DDX47: variants seen among roughly 807,000 people sequenced by gnomAD.
DDX47 encodes the protein DEAD-box helicase 47, also known as probable ATP-dependent RNA helicase DDX47.
Under a neutral mutation model 58.8 loss-of-function variants are expected in DDX47, and 60 were observed. That is an observed-to-expected ratio of 1.02 (90% CI 0.83 to 1.26). DDX47 has a LOEUF of 1.26. Among genes scored for constraint, DDX47 ranks in the 50% most tolerant of loss-of-function variants. The probability of loss-of-function intolerance (pLI) is 0.00; values close to 1 mark genes in which losing one functional copy is unlikely to be tolerated. For synonymous variants in DDX47, 197 were observed against 204.6 expected (o/e 0.96, Z 0.32); for missense variants, 530 against 573.2 (o/e 0.92, Z 0.77).
At chr12:12,815,120 T>A (rs1340421725) in intron 2 of DDX47, among the ~76,000 whole-genome samples, 2 of 152,096 alleles carry the variant, frequency 1.3e-5, no homozygotes, top group African/African-American at 4.8e-5. Context: ...TCAGAGAGAG[T>A]GAATGTAATC....
rs529271888 is a variant in DDX47, at chr12:12,818,288, G to A, written c.182-2920G>A. Reference sequence around the variant, plus strand: ...TGTAATCCTAGCATTTTGGGAGGCCGAGGCGGGTGGATCACGAGGTCAGGA... The same window carrying A: ...TGTAATCCTAGCATTTTGGGAGGCCAAGGCGGGTGGATCACGAGGTCAGGA... On this transcript the variant is annotated intron_variant, in intron 2 of 11. Coordinates refer to ENST00000358007, the MANE Select transcript of DDX47 (RefSeq NM_016355.4). 5.3e-5 allele frequency among the ~76,000 whole-genome samples: 8 copies of A among 152,306 alleles called. No homozygotes were observed. In the East Asian group the frequency reaches 5.8e-4, roughly 11 times the overall value.
intron 10 of DDX47, among the ~76,000 whole-genome samples, chr12:12,826,533 C>T (rs1048892364): frequency 3.9e-5 from 6 of 151,922 alleles, no homozygotes; most frequent in African/African-American, 4.8e-5. Context: ...CCTTCCACCC[C>T]CTGGGCTCAA....
rs146075815 is a variant in DDX47 at position 12,824,832 on chromosome 12, G to C, written c.1035+155G>C. ...TTGGTTAGTTCATTCACATCATCTTGCACAGGCCTGTGTATGTAACATTAG... is the reference window on the plus strand; with the variant it reads ...TTGGTTAGTTCATTCACATCATCTTCCACAGGCCTGTGTATGTAACATTAG... On this transcript the variant is annotated intron_variant, in intron 9 of 11. Coordinates refer to ENST00000358007, the MANE Select transcript of DDX47 (RefSeq NM_016355.4). 2,108 of 703,724 alleles carry C rather than the reference G, an allele frequency of 3.0e-3. 4 individuals carry two copies. Among genetic ancestry groups the C allele is most frequent in the Middle Eastern group, 9.3e-3 (23 of 2,476 alleles). The allele number at this position is 703,724 out of a possible 1,614,324, so 43.6% of individuals were successfully genotyped here.
At chr12:12,825,935 C>T in intron 9 of DDX47, 65 bp from the exon 10 acceptor site, 4 of 1,268,634 alleles carry the variant, frequency 3.2e-6, no homozygotes, top group Non-Finnish European at 4.3e-6. Context: ...CAGGACTTTG[C>T]ATATGTAGTT....
rs1380488636 is a variant in DDX47 at position 12,829,630 on chromosome 12, A to G, written c.*76A>G. The G allele has an allele frequency of 1.7e-5, 26 of 1,531,616 alleles. No individual in the cohort carries two copies. The highest frequency in any genetic ancestry group is 2.2e-5 in the Non-Finnish European group (25 of 1,135,152). The allele number at this position is 1,531,616 out of a possible 1,614,324, so 94.9% of individuals were successfully genotyped here. ...AATGAAACCTGCTCCAACAGAGATC[A>G]TGAGACTGAAATTGGTCAGAATTGT... On this transcript the variant is annotated 3_prime_UTR_variant, in exon 12 of 12. Coordinates refer to ENST00000358007, the MANE Select transcript of DDX47 (RefSeq NM_016355.4).
rs1390861832 is a variant in DDX47, at chr12:12,820,945, T to C, written c.182-263T>C. Among the ~76,000 whole-genome samples, 3 of 152,260 alleles carry C rather than the reference T, an allele frequency of 2.0e-5. No homozygotes were observed. In the East Asian group the frequency reaches 5.8e-4, roughly 29 times the overall value. On this transcript the variant is annotated intron_variant, in intron 2 of 11. Transcript: ENST00000358007. ...CTTCTGGGCAGTAGTTACTTTTCCTTGTGTTCTCGCTGTATTTTGCAGGGG... is the reference window on the plus strand; with the variant it reads ...CTTCTGGGCAGTAGTTACTTTTCCTCGTGTTCTCGCTGTATTTTGCAGGGG...
rs1863099721 is a variant in DDX47, at chr12:12,829,461, A to C, written c.1275A>C (p.Arg425=). The C allele has an allele frequency of 1.2e-6, 2 of 1,613,546 alleles. No individual in the cohort carries two copies. The highest frequency in any genetic ancestry group is 2.2e-5 in the East Asian group (1 of 44,832). Residue 425 remains arginine, a synonymous_variant, in exon 12 of 12, where the codon CGA becomes CGC. Coordinates refer to ENST00000358007, the MANE Select transcript of DDX47 (RefSeq NM_016355.4). ...REHGEKKKRS[R]EDAGDNDDTE... ...ATGGAGAAAAGAAGAAACGCTCGCG[A>C]GAGGATGCTGGAGATAATGATGACA...
chr12:12,814,291 T>G, intron 2 of DDX47, 67 bp downstream of exon 2: 1 of 992,024 alleles, frequency 1.0e-6, no homozygotes, highest in Non-Finnish European at 1.6e-6. Context: ...TTTTGAAAGC[T>G]GTTGCTTGCA....
chr12:12,815,923 A>G (rs1205607365), intron 2 of DDX47, among the ~76,000 whole-genome samples: 1 of 152,168 alleles, frequency 6.6e-6, no homozygotes, highest in East Asian at 1.9e-4. Flanking sequence ...AGTCTGGGAA[A>G]CCAATTAGTA....
intron 10 of DDX47, 60 bp from the exon 11 acceptor site, chr12:12,827,186 G>T: frequency 6.3e-7 from 1 of 1,579,548 alleles, no homozygotes; most frequent in Non-Finnish European, 8.6e-7. Flanking sequence ...ATAATAGTTT[G>T]GGAATGGACA....
chr12:12,813,464 G>A lies in DDX47; in HGVS notation c.87+10G>A, dbSNP rs1217705546. On this transcript the variant is annotated intron_variant, in intron 1 of 11. Coordinates refer to ENST00000358007, the MANE Select transcript of DDX47 (RefSeq NM_016355.4). Reference sequence around the variant, plus strand: ...AACATTTAAAGACCTGGTGAGAATGGATGACGCTGGCTTCTTTTATGTACT... The same window carrying A: ...AACATTTAAAGACCTGGTGAGAATGAATGACGCTGGCTTCTTTTATGTACT... The A allele has an allele frequency of 6.2e-7, 1 of 1,600,760 alleles. No individual in the cohort carries two copies. Among genetic ancestry groups the A allele is most frequent in the Middle Eastern group, 1.7e-4 (1 of 6,052 alleles).
At position 12,814,083 on chromosome 12, in the gene DDX47, G is replaced by C. The variant is rs987014768; in HGVS notation, c.88-48G>C. On this transcript the variant is annotated intron_variant, in intron 1 of 11. Coordinates refer to ENST00000358007, the MANE Select transcript of DDX47 (RefSeq NM_016355.4). Reference sequence around the variant, plus strand: ...TGACAGTCAGTTAAGTAGGAGGGAGGTAGGGGTGTGCTGTTCTTGGCTAAG... The same window carrying C: ...TGACAGTCAGTTAAGTAGGAGGGAGCTAGGGGTGTGCTGTTCTTGGCTAAG... 5 of 1,158,730 alleles carry C rather than the reference G, an allele frequency of 4.3e-6. No individual in the cohort carries two copies. In the Admixed American group the frequency reaches 6.7e-5, roughly 16 times the overall value. The allele number at this position is 1,158,730 out of a possible 1,614,324, so 71.8% of individuals were successfully genotyped here.
At chr12:12,820,335 C>G (rs1276891558) in intron 2 of DDX47, 2 of 152,180 alleles carry the variant, frequency 1.3e-5, no homozygotes, top group African/African-American at 4.8e-5. Context: ...TAGAGTTTAT[C>G]TTCCTAAACA....
At chr12:12,824,363 T>A (rs1470243479) in intron 8 of DDX47, 177 bp from the exon 9 acceptor site, 3 of 621,720 alleles carry the variant, frequency 4.8e-6, no homozygotes, top group African/African-American at 1.9e-5. Flanking sequence ...TCATATATAT[T>A]TTTTTAATTT....
intron 2 of DDX47, among the ~76,000 whole-genome samples, chr12:12,818,376 C>T (rs1248917629): frequency 2.6e-5 from 4 of 152,086 alleles, no homozygotes; most frequent in Admixed American, 1.3e-4. Flanking sequence ...AAAAAATTAG[C>T]AGGGCGTGGT....
intron 2 of DDX47, among the ~76,000 whole-genome samples, chr12:12,815,248 TTAATG>T (rs1862879004): frequency 6.6e-6 from 1 of 152,240 alleles, no homozygotes; most frequent in South Asian, 2.1e-4. Flanking sequence ...TCATTAGTAA[TTAATG>T]TAGTGATTAT....
intron 1 of DDX47, 131 bp from the exon 2 acceptor site, chr12:12,814,000 T>G: frequency 1.4e-6 from 1 of 699,778 alleles, no homozygotes; most frequent in Non-Finnish European, 2.6e-6. Context: ...AAGAGTAGGC[T>G]CTGAGATGCA....
In DDX47 at chr12:12,822,726, C is replaced by T. The variant is rs1862992346; in HGVS notation, c.627C>T (p.Thr209=). 1.2e-6 allele frequency: 2 copies of T among 1,613,184 alleles called. No individual in the cohort carries two copies. Among genetic ancestry groups the T allele is most frequent in the Non-Finnish European group, 1.7e-6 (2 of 1,179,350 alleles). The change falls in exon 6 of 12, where the codon ACC becomes ACT. Residue 209 remains threonine (T), a synonymous_variant. Coordinates refer to ENST00000358007, the MANE Select transcript of DDX47 (RefSeq NM_016355.4). ...CATTCCTCTTCTCTGCCACCATGACCAAGAAGGTGAAATTTGCTAGGACTT... is the reference window on the plus strand; with the variant it reads ...CATTCCTCTTCTCTGCCACCATGACTAAGAAGGTGAAATTTGCTAGGACTT... ...RKTFLFSATM[T]KKVQKLQRAA... is the part of the protein sequence containing the mutation.
chr12:12,813,356 A>G lies in DDX47; in HGVS notation c.-12A>G. The G allele has an allele frequency of 6.2e-7, 1 of 1,611,960 alleles. No homozygotes were observed. The highest frequency in any genetic ancestry group is 8.5e-7 in the Non-Finnish European group (1 of 1,178,922). On this transcript the variant is annotated 5_prime_UTR_variant, in exon 1 of 12. Transcript: ENST00000358007. ...GCGCGCCGCAGACCCACTTCCGGAG[A>G]CCTCACACAAGATGGCGGCACCCGA...
Sources: gnomAD v4.1 joint callset for allele counts (sites outside exome capture counted in the v4.1 genomes callset) on GRCh38, gnomAD v4.1.1 for gene constraint, MANE v1.5 for transcripts, NCBI Gene and HGNC (gene_info 2026-07-23, HGNC 2026-07-21) for gene names.